Variants in LMX1A observed in about 807,000 individuals in gnomAD.
LMX1A encodes LIM homeobox transcription factor 1 alpha.
A neutral mutation model predicts 49.1 loss-of-function variants in LMX1A; 15 were observed. The ratio of observed to expected loss-of-function variants is 0.31; its 90% CI spans 0.20 to 0.47. The LOEUF is 0.47. Ranked by LOEUF, LMX1A falls within the 20% of genes least tolerant of loss-of-function variation. The probability of loss-of-function intolerance (pLI) is 1.00; values close to 1 mark genes in which losing one functional copy is unlikely to be tolerated. For synonymous variants in LMX1A, 167 were observed against 185.7 expected, an observed-to-expected ratio of 0.90 and a Z score of 0.82; for missense variants, 372 against 475.8, an observed-to-expected ratio of 0.78 and a Z score of 2.03.
intron 3 of LMX1A, among the ~76,000 whole-genome samples, chr1:165,296,048 C>T (rs928167374): frequency 6.6e-6 from 1 of 152,228 alleles, no homozygotes; most frequent in African/African-American, 2.4e-5. Context: ...AGCAATCCCA[C>T]TCAAAATATA....
At chr1:165,222,289 A>G (rs1051974493) in intron 4 of LMX1A, among the ~76,000 whole-genome samples, 1 of 152,228 alleles carries the variant, frequency 6.6e-6, no homozygotes, top group Non-Finnish European at 1.5e-5. Flanking sequence ...CTCAGAGCTC[A>G]GTCTAGATAA....
chr1:165,312,728 A>G (rs1162375321), intron 3 of LMX1A, among the ~76,000 whole-genome samples: 1 of 152,224 alleles, frequency 6.6e-6, no homozygotes. Context: ...GCCATCCTGG[A>G]AACAGATCCT....
intron 3 of LMX1A, among the ~76,000 whole-genome samples, chr1:165,278,050 A>G (rs535466415): frequency 1.4e-3 from 213 of 152,342 alleles, no homozygotes; most frequent in African/African-American, 5.0e-3. Flanking sequence ...GGAGATATAA[A>G]TTGTTTTTAA....
Position 165,355,418 on chromosome 1 carries a change from G to A in LMX1A, c.76+66C>T. On this transcript the variant is annotated intron_variant, in intron 2 of 8. Coordinates refer to ENST00000342310, the MANE Select transcript of LMX1A (RefSeq NM_177398.4). The surrounding 1 kb of genome is among the most constrained non-coding windows in gnomAD (Gnocchi z 4.7). ...TATCGCGGACCAGGTCCCAGAGAGC[G>A]GGGCTCCAGAGCTCAGCGCCAAGCG... is the stretch of plus-strand genomic sequence containing the variant. 2.0e-6 allele frequency: 3 copies of A among 1,509,266 alleles called. No individual in the cohort carries two copies. Among genetic ancestry groups the A allele is most frequent in the South Asian group, 2.3e-5 (2 of 87,086 alleles). The allele number at this position is 1,509,266 out of a possible 1,614,324, so 93.5% of individuals were successfully genotyped here.
At chr1:165,322,622 T>A (rs919102209) in intron 3 of LMX1A, among the ~76,000 whole-genome samples, 8 of 152,096 alleles carry the variant, frequency 5.3e-5, no homozygotes, top group Non-Finnish European at 8.8e-5. Flanking sequence ...ATATCCAGAA[T>A]AGGCAAATTT....
At chr1:165,345,331 TAGA>T (rs1656207322) in intron 3 of LMX1A, among the ~76,000 whole-genome samples, 1 of 152,144 alleles carries the variant, frequency 6.6e-6, no homozygotes, top group African/African-American at 2.4e-5. Context: ...ATAGCAGCAG[TAGA>T]ACCTGGTGCT....
At chr1:165,319,785 C>T (rs1390907457) in intron 3 of LMX1A, among the ~76,000 whole-genome samples, 1 of 152,068 alleles carries the variant, frequency 6.6e-6, no homozygotes, top group East Asian at 1.9e-4. Context: ...AAGAAATACA[C>T]CAAAATACTA....
At chr1:165,265,010 T>A (rs1339245338) in intron 3 of LMX1A, among the ~76,000 whole-genome samples, 1 of 151,978 alleles carries the variant, frequency 6.6e-6, no homozygotes, top group Non-Finnish European at 1.5e-5. Flanking sequence ...AAGACCATCC[T>A]GGCTAATACG....
chr1:165,320,348 G>A (rs139222197), intron 3 of LMX1A, among the ~76,000 whole-genome samples: 87 of 152,290 alleles, frequency 5.7e-4, no homozygotes, highest in African/African-American at 2.1e-3. Flanking sequence ...CTGAGGTCTC[G>A]AGCCCACCCC....
Position 165,354,482 on chromosome 1 carries a change from C to T in LMX1A, c.76+1002G>A, listed in dbSNP as rs986561964. The stretch of plus-strand genomic sequence containing the variant: ...CACCCGCTGCCCGCCCGGGTACTGC[C>T]TGCTCTGGCTTCCGCTCTCTTCCGA... On this transcript the variant is annotated intron_variant, in intron 2 of 8. Coordinates refer to ENST00000342310, the MANE Select transcript of LMX1A (RefSeq NM_177398.4). Among the ~76,000 whole-genome samples the T allele has an allele frequency of 2.6e-5, 4 of 152,194 alleles. No individual in the cohort carries two copies. The South Asian group carries it at 8.3e-4, about 31-fold the overall frequency.
intron 4 of LMX1A, among the ~76,000 whole-genome samples, chr1:165,241,002 C>T (rs1196246533): frequency 6.6e-6 from 1 of 152,196 alleles, no homozygotes; most frequent in African/African-American, 2.4e-5. Context: ...TAAATCCTTC[C>T]CATTCTTGCT....
At chr1:165,224,000 A>G (rs1229259293) in intron 4 of LMX1A, among the ~76,000 whole-genome samples, 1 of 152,164 alleles carries the variant, frequency 6.6e-6, no homozygotes, top group East Asian at 1.9e-4. Context: ...CTCATGTTGA[A>G]TTGTAATCCC....
chr1:165,208,094 T>TTGC lies in LMX1A; in HGVS notation c.783_785dup (p.Gln262dup), dbSNP rs144665555. 7.7e-5 allele frequency: 124 copies of TTGC among 1,613,012 alleles called. No homozygotes were observed. The East Asian group carries it at 2.0e-3, about 26-fold the overall frequency. On this transcript the variant is annotated inframe_insertion, in exon 7 of 9. Coordinates refer to ENST00000342310, the MANE Select transcript of LMX1A (RefSeq NM_177398.4). ...TCAGCCTCTGGGTGTTCTGCTGATC[T>TTGC]TGCTGCTGCTGCTGCTGTCGCCTGG...
intron 3 of LMX1A, among the ~76,000 whole-genome samples, chr1:165,252,247 C>T (rs1325056789): frequency 6.6e-6 from 1 of 152,190 alleles, no homozygotes; most frequent in Non-Finnish European, 1.5e-5. Flanking sequence ...TTTGTTCACC[C>T]TCTTTCTGAA....
chr1:165,228,474 C>T (rs995901781), intron 4 of LMX1A, among the ~76,000 whole-genome samples: 2 of 152,206 alleles, frequency 1.3e-5, no homozygotes, highest in African/African-American at 4.8e-5. Flanking sequence ...TAAAAGTCAA[C>T]AGTTGTGTCT....
intron 3 of LMX1A, among the ~76,000 whole-genome samples, chr1:165,319,963 T>A (rs1655336357): frequency 6.6e-6 from 1 of 152,192 alleles, no homozygotes. Flanking sequence ...TTGTCAGGGT[T>A]ATAGTTCTGC....
intron 3 of LMX1A, among the ~76,000 whole-genome samples, chr1:165,268,724 A>T (rs1476033200): frequency 1.3e-5 from 2 of 152,252 alleles, no homozygotes; most frequent in Admixed American, 1.3e-4. Flanking sequence ...TTCAACTGTA[A>T]AATGGGCTTA....
intron 3 of LMX1A, among the ~76,000 whole-genome samples, chr1:165,322,841 A>G (rs1655462139): frequency 6.6e-6 from 1 of 152,192 alleles, no homozygotes; most frequent in Non-Finnish European, 1.5e-5. Context: ...AAAATTACCC[A>G]CTATGGTTCC....
chr1:165,290,133 C>G (rs1279842736), intron 3 of LMX1A, among the ~76,000 whole-genome samples: 1 of 152,174 alleles, frequency 6.6e-6, no homozygotes, highest in South Asian at 2.1e-4. Context: ...ACATCTGGCT[C>G]CCCTATTCAT....
Sources: allele counts gnomAD v4.1 joint callset (sites outside exome capture counted in the v4.1 genomes callset), GRCh38; gene constraint gnomAD v4.1.1; non-coding constraint Gnocchi (gnomAD v3.1); transcripts MANE v1.5; gene names NCBI Gene and HGNC (gene_info 2026-07-23, HGNC 2026-07-21).